Variants in ATXN7L1 observed in about 807,000 individuals in gnomAD.
The protein encoded by ATXN7L1 is ataxin-7-like protein 1.
In ATXN7L1, 15 loss-of-function variants were observed where a neutral mutation model predicts 70.8. The observed-to-expected ratio is 0.21, with a 90% confidence interval of 0.14 to 0.33. ATXN7L1 has a LOEUF of 0.33. Among genes scored for constraint, ATXN7L1 ranks in the 10% least tolerant of loss-of-function variants. The probability of loss-of-function intolerance (pLI) is 1.00; values close to 1 mark genes in which losing one functional copy is unlikely to be tolerated. For synonymous variants in ATXN7L1, 440 were observed against 445.1 expected (o/e 0.99, Z 0.14); for missense variants, 975 against 1,097.1 (o/e 0.89, Z 1.57).
At chr7:105,859,280 T>G (rs1336399793) in intron 2 of ATXN7L1, among the ~76,000 whole-genome samples, 1 of 152,114 alleles carries the variant, frequency 6.6e-6, no homozygotes, top group Admixed American at 6.5e-5. Flanking sequence ...GCTCTGAGAA[T>G]TTAAGTGAAC....
chr7:105,614,224 T>C lies in ATXN7L1; in HGVS notation c.2110A>G (p.Asn704Asp), dbSNP rs1215228249. ...GCACTGAGTGGGCTCACCCCATTGT[T>C]TGAGTTGTGCACAGACAGGCTGTTA... ...PYNSLSVHNS[N>D]NGVSPLSAKL... The change falls in exon 10 of 12, where the codon AAC becomes GAC. Residue 704 changes from asparagine to aspartate, a missense_variant. Physicochemically the swap from Asn to Asp is conservative, Grantham distance 23 (BLOSUM62 1). Transcript: ENST00000419735. The surrounding 1 kb of genome is among the most constrained non-coding windows in gnomAD (Gnocchi z 4.3). 1.3e-6 allele frequency: 2 copies of C among 1,551,598 alleles called. No homozygotes were observed. Among genetic ancestry groups the C allele is most frequent in the Admixed American group, 2.0e-5 (1 of 51,002 alleles).
At chr7:105,655,237 C>T (rs554659703) in intron 4 of ATXN7L1, among the ~76,000 whole-genome samples, 1 of 152,232 alleles carries the variant, frequency 6.6e-6, no homozygotes, top group Non-Finnish European at 1.5e-5. Context: ...TAAATTCCCA[C>T]GGCCTCCCTG....
intron 3 of ATXN7L1, among the ~76,000 whole-genome samples, chr7:105,725,578 A>G (rs1489498940): frequency 7.3e-6 from 1 of 137,032 alleles, no homozygotes. Context: ...TTTAATTTCC[A>G]TTTCCTTTTT....
chr7:105,793,862 GAGAAAA>G (rs1279197328), intron 2 of ATXN7L1, among the ~76,000 whole-genome samples: 4 of 152,186 alleles, frequency 2.6e-5, no homozygotes, highest in Non-Finnish European at 5.9e-5. Context: ...TCTTTCAGAT[GAGAAAA>G]CAGAGGTACA....
At position 105,637,795 on chromosome 7, in the gene ATXN7L1, T is replaced by G. The variant is rs557405398; in HGVS notation, c.1202+558A>C. Among the ~76,000 whole-genome samples, 5 of 152,272 alleles carry G rather than the reference T, an allele frequency of 3.3e-5. No individual in the cohort carries two copies. In the South Asian group the frequency reaches 1.0e-3, roughly 32 times the overall value. ...GTAGCTTTCCTGGTGTGGAGAGACATGTAAGGACAAACAACCTCTGCTATG... is the reference window on the plus strand; with the variant it reads ...GTAGCTTTCCTGGTGTGGAGAGACAGGTAAGGACAAACAACCTCTGCTATG... On this transcript the variant is annotated intron_variant, in intron 7 of 11. Transcript: ENST00000419735.
chr7:105,685,359 A>C (rs62487039), intron 3 of ATXN7L1, among the ~76,000 whole-genome samples: 18,193 of 152,240 alleles, frequency 0.12, 1,368 homozygotes, highest in Middle Eastern at 0.27. Context: ...TACTGTTATA[A>C]ATAAGTCAAG....
At chr7:105,741,436 A>T (rs553047000) in intron 3 of ATXN7L1, among the ~76,000 whole-genome samples, 1 of 152,182 alleles carries the variant, frequency 6.6e-6, no homozygotes, top group African/African-American at 2.4e-5. Flanking sequence ...TTTCAACAGG[A>T]TAGTGTTTGA....
chr7:105,722,484 T>C (rs897851041), intron 3 of ATXN7L1, among the ~76,000 whole-genome samples: 1 of 140,510 alleles, frequency 7.1e-6, no homozygotes, highest in African/African-American at 2.7e-5. Flanking sequence ...ATTGCTTGAA[T>C]TGGGAGGCGG....
At chr7:105,828,972 A>C (rs535368037) in intron 2 of ATXN7L1, among the ~76,000 whole-genome samples, 118 of 152,334 alleles carry the variant, frequency 7.7e-4, no homozygotes, top group Admixed American at 1.9e-3. Flanking sequence ...TGACAGGGTA[A>C]ATGAAAAGCA....
intron 3 of ATXN7L1, among the ~76,000 whole-genome samples, chr7:105,764,352 G>A (rs1800965652): frequency 1.3e-5 from 2 of 151,110 alleles, no homozygotes; most frequent in South Asian, 4.2e-4. Context: ...CCCCAAAGCA[G>A]TGGTTCTCAA....
intron 3 of ATXN7L1, among the ~76,000 whole-genome samples, chr7:105,696,231 G>T (rs1047641198): frequency 6.6e-6 from 1 of 152,226 alleles, no homozygotes; most frequent in Non-Finnish European, 1.5e-5. Context: ...GAAATGCTCT[G>T]CAGCTTGGCG....
chr7:105,740,833 T>C (rs564463994), intron 3 of ATXN7L1, among the ~76,000 whole-genome samples: 1 of 136,546 alleles, frequency 7.3e-6, no homozygotes, highest in Non-Finnish European at 1.5e-5. Context: ...GGTGCGATCT[T>C]GGCTCACTGG....
chr7:105,703,320 A>G (rs902186413), intron 3 of ATXN7L1, among the ~76,000 whole-genome samples: 25 of 151,326 alleles, frequency 1.7e-4, no homozygotes, highest in Non-Finnish European at 2.2e-4. Flanking sequence ...AAAAAAAAAA[A>G]GCACTTAAGT....
intron 3 of ATXN7L1, 69 bp downstream of exon 3, chr7:105,788,535 C>T: frequency 7.8e-7 from 1 of 1,287,404 alleles, no homozygotes; most frequent in Non-Finnish European, 1.1e-6. Flanking sequence ...TGTCGGGGAG[C>T]CCAGGGGAAG....
intron 2 of ATXN7L1, chr7:105,819,823 T>G: frequency 1.6e-6 from 1 of 633,328 alleles, no homozygotes. Context: ...CCCACCGCCC[T>G]ATGACATGAA....
At chr7:105,827,451 CT>C (rs1433782987) in intron 2 of ATXN7L1, among the ~76,000 whole-genome samples, 1 of 152,150 alleles carries the variant, frequency 6.6e-6, no homozygotes, top group Non-Finnish European at 1.5e-5. Context: ...ATTCTAAGAG[CT>C]TTATGCAAAA....
chr7:105,808,701 G>T (rs974374734), intron 2 of ATXN7L1, among the ~76,000 whole-genome samples: 1 of 152,194 alleles, frequency 6.6e-6, no homozygotes, highest in African/African-American at 2.4e-5. Context: ...AATTAATTGG[G>T]ACAGGAGCTT....
At chr7:105,846,236 T>A (rs1282049807) in intron 2 of ATXN7L1, among the ~76,000 whole-genome samples, 1 of 152,070 alleles carries the variant, frequency 6.6e-6, no homozygotes, top group Non-Finnish European at 1.5e-5. Context: ...CTATTAGGGA[T>A]GCTAAGGTGG....
At chr7:105,865,637 G>C (rs184969926) in intron 2 of ATXN7L1, among the ~76,000 whole-genome samples, 3 of 152,070 alleles carry the variant, frequency 2.0e-5, no homozygotes, top group African/African-American at 4.8e-5. Flanking sequence ...TCCTGACCTC[G>C]TGATCTGCCC....
Sources: allele counts gnomAD v4.1 joint callset (sites outside exome capture counted in the v4.1 genomes callset), GRCh38; gene constraint gnomAD v4.1.1; non-coding constraint Gnocchi (gnomAD v3.1); transcripts MANE v1.5; gene names NCBI Gene and HGNC (gene_info 2026-07-23, HGNC 2026-07-21).